The following CHCT1 variants were observed in gnomAD, a reference collection of about 807,000 sequenced individuals.
CHCT1 encodes CHD1 helical C-terminal domain containing 1.
the CHCT1 span, among the ~76,000 whole-genome samples, chr17:60,424,863 T>TAA: frequency 7.1e-6 from 1 of 141,696 alleles, no homozygotes; most frequent in African/African-American, 2.6e-5. Context: ...ATAGAGTGAA[T>TAA]AAAAAAAAAA....
the CHCT1 span, chr17:60,429,576 T>G: frequency 2.5e-6 from 4 of 1,610,206 alleles, no homozygotes; most frequent in Non-Finnish European, 3.4e-6. Flanking sequence ...CATTTGGTGT[T>G]GGGGTGATGC....
chr17:60,422,475 C>G, the CHCT1 span: 2 of 1,530,212 alleles, frequency 1.3e-6, no homozygotes, highest in Non-Finnish European at 1.8e-6. Flanking sequence ...GGCTTTGCTC[C>G]GAGTTCTGGA....
the CHCT1 span, among the ~76,000 whole-genome samples, chr17:60,430,339 C>T: frequency 2.0e-5 from 3 of 151,836 alleles, no homozygotes; most frequent in South Asian, 6.3e-4. Flanking sequence ...TATGCTCTTC[C>T]CATTATTACC....
the CHCT1 span, chr17:60,422,216 C>T: frequency 3.3e-6 from 1 of 306,476 alleles, no homozygotes; most frequent in Non-Finnish European, 6.2e-6. Context: ...GAATGGCACA[C>T]GTGCAGGAAA....
the CHCT1 span, chr17:60,422,430 G>C: frequency 1.3e-6 from 2 of 1,488,006 alleles, no homozygotes; most frequent in Non-Finnish European, 1.8e-6. Flanking sequence ...ATGGGAGCGG[G>C]GTGGGGGGCT....
chr17:60,427,722 T>G, the CHCT1 span, among the ~76,000 whole-genome samples: 1 of 152,110 alleles, frequency 6.6e-6, no homozygotes, highest in Non-Finnish European at 1.5e-5. Context: ...CTACCACTCT[T>G]CATGTTGTAT....
At chr17:60,422,749 T>C in the CHCT1 span, 1 of 1,176,892 alleles carries the variant, frequency 8.5e-7, no homozygotes, top group South Asian at 1.6e-5. Flanking sequence ...AATGATAGGG[T>C]ACCTGAGATA....
At chr17:60,424,070 C>T in the CHCT1 span, among the ~76,000 whole-genome samples, 3 of 152,080 alleles carry the variant, frequency 2.0e-5, no homozygotes, top group Non-Finnish European at 2.9e-5. Context: ...GAGAGGAGGG[C>T]GTGTCAGGCT....
the CHCT1 span, chr17:60,431,108 C>T: frequency 1.8e-5 from 19 of 1,038,938 alleles, no homozygotes; most frequent in Non-Finnish European, 2.7e-5. Context: ...TACAACACCC[C>T]CCATGTATTA....
chr17:60,429,244 T>A, the CHCT1 span: 2 of 1,126,622 alleles, frequency 1.8e-6, no homozygotes, highest in African/African-American at 3.2e-5. Context: ...TCCTTTTGGT[T>A]AGGCAAGTGT....
At chr17:60,427,577 C>T in the CHCT1 span, among the ~76,000 whole-genome samples, 1 of 152,050 alleles carries the variant, frequency 6.6e-6, no homozygotes, top group African/African-American at 2.4e-5. Flanking sequence ...ACCACTGTGC[C>T]TAATTTTTGT....
At chr17:60,421,256 A>G in the CHCT1 span, 1 of 672,710 alleles carries the variant, frequency 1.5e-6, no homozygotes, top group Non-Finnish European at 1.8e-6. Context: ...CAACAACAAC[A>G]ACGACAACAA....
the CHCT1 span, chr17:60,431,384 A>C: frequency 1.5e-6 from 1 of 679,330 alleles, no homozygotes; most frequent in Non-Finnish European, 2.5e-6. Flanking sequence ...AATTAGGAAT[A>C]AATGAGGTGG....
chr17:60,431,411 T>C, the CHCT1 span: 5 of 614,330 alleles, frequency 8.1e-6, no homozygotes, highest in African/African-American at 9.4e-5. Context: ...AACATTCTTA[T>C]GACAGTTCTA....
At chr17:60,429,844 A>G in the CHCT1 span, among the ~76,000 whole-genome samples, 11 of 151,862 alleles carry the variant, frequency 7.2e-5, no homozygotes, top group African/African-American at 2.4e-4. Context: ...TATTTTTTCC[A>G]GACGGAGTCT....
At chr17:60,425,917 C>G in the CHCT1 span, 1 of 1,514,498 alleles carries the variant, frequency 6.6e-7, no homozygotes, top group African/African-American at 1.4e-5. Flanking sequence ...ACCCTGTCCC[C>G]TTTTCCCCAT....
chr17:60,421,596 G>A, the CHCT1 span: 6 of 983,736 alleles, frequency 6.1e-6, no homozygotes, highest in African/African-American at 1.0e-4. Flanking sequence ...GAAACTGCGG[G>A]GGCAACGGTC....
At chr17:60,425,712 A>C in the CHCT1 span, 1 of 1,185,532 alleles carries the variant, frequency 8.4e-7, no homozygotes, top group African/African-American at 1.5e-5. Context: ...CATTTGGGTC[A>C]GTCCCTGCCA....
chr17:60,424,118 G>A, the CHCT1 span, among the ~76,000 whole-genome samples: 1 of 152,138 alleles, frequency 6.6e-6, no homozygotes, highest in Non-Finnish European at 1.5e-5. Flanking sequence ...CTGACAGAGT[G>A]AGAACTCACT....
Sources: gnomAD v4.1 joint callset for allele counts (sites outside exome capture counted in the v4.1 genomes callset) on GRCh38, gnomAD v4.1.1 for gene constraint, MANE v1.5 for transcripts, NCBI Gene and HGNC (gene_info 2026-07-23, HGNC 2026-07-21) for gene names.